Variants in ZNF469 observed in about 807,000 individuals in gnomAD.
ZNF469 encodes zinc finger protein 469.
In ZNF469, 1 loss-of-function variant was observed where a neutral mutation model predicts 1.0. That is an observed-to-expected ratio of 1.00 (90% confidence interval 0.35 to 4.73). The LOEUF (loss-of-function observed/expected upper bound fraction) is 4.73. Ranked by LOEUF, ZNF469 falls within the 30% of genes most tolerant of loss-of-function variation. The probability of loss-of-function intolerance (pLI) is 0.16; values close to 1 mark genes in which losing one functional copy is unlikely to be tolerated. For synonymous variants in ZNF469, 2,703 were observed against 2,363.4 expected (o/e 1.14, Z -4.17); for missense variants, 6,100 against 5,356.3 (o/e 1.14, Z -4.33).
chr16:88,340,692 C>G, the ZNF469 span, among the ~76,000 whole-genome samples: 3 of 129,986 alleles, frequency 2.3e-5, no homozygotes, highest in Admixed American at 2.5e-4. Flanking sequence ...GAGGCAGGTG[C>G]GTGGGGAGGA....
At chr16:88,243,172 C>T in the ZNF469 span, among the ~76,000 whole-genome samples, 1 of 152,234 alleles carries the variant, frequency 6.6e-6, no homozygotes, top group African/African-American at 2.4e-5. Flanking sequence ...TGGTGGCCAG[C>T]TCATAAGCTC....
intron 1 of ZNF469, among the ~76,000 whole-genome samples, chr16:88,406,152 G>A (rs377132063): frequency 1.4e-4 from 22 of 152,360 alleles, no homozygotes; most frequent in African/African-American, 4.6e-4. Context: ...GCCCGGCCTC[G>A]CCAAAGGTGG....
At chr16:88,111,660 T>C in the ZNF469 span, among the ~76,000 whole-genome samples, 2 of 152,200 alleles carry the variant, frequency 1.3e-5, no homozygotes, top group African/African-American at 4.8e-5. Context: ...TTTGTTGAGA[T>C]GGAGTCTCGC....
chr16:88,166,024 C>T, the ZNF469 span, among the ~76,000 whole-genome samples: 2 of 152,348 alleles, frequency 1.3e-5, no homozygotes, highest in South Asian at 2.1e-4. The surrounding 1 kb of genome is among the most constrained non-coding windows in gnomAD (Gnocchi z 4.5). Flanking sequence ...ACTATTGTTA[C>T]GCACCCAGGG....
chr16:88,108,453 C>G, the ZNF469 span, among the ~76,000 whole-genome samples: 2 of 152,192 alleles, frequency 1.3e-5, no homozygotes, highest in Non-Finnish European at 2.9e-5. Context: ...TCTGGGGTTG[C>G]TGCCCAGAAT....
At chr16:88,348,925 C>T in the ZNF469 span, among the ~76,000 whole-genome samples, 1 of 152,150 alleles carries the variant, frequency 6.6e-6, no homozygotes, top group African/African-American at 2.4e-5. Flanking sequence ...CAGCCGCTCT[C>T]CCGGGACAGG....
the ZNF469 span, among the ~76,000 whole-genome samples, chr16:88,236,083 C>A: frequency 6.6e-6 from 1 of 152,190 alleles, no homozygotes; most frequent in Admixed American, 6.5e-5. Flanking sequence ...GACCAAAGTT[C>A]GTATTCTGTA....
the ZNF469 span, among the ~76,000 whole-genome samples, chr16:88,249,162 T>C: frequency 6.6e-6 from 1 of 151,916 alleles, no homozygotes; most frequent in Non-Finnish European, 1.5e-5. Context: ...TGCTGGATAG[T>C]AGCTCCACTC....
At chr16:88,344,273 G>A in the ZNF469 span, among the ~76,000 whole-genome samples, 33 of 152,104 alleles carry the variant, frequency 2.2e-4, no homozygotes, top group East Asian at 5.2e-3. Context: ...GGCGGGTTCC[G>A]AACAAAGCGT....
chr16:88,178,465 G>C, the ZNF469 span: 3 of 152,198 alleles, frequency 2.0e-5, no homozygotes, highest in African/African-American at 7.2e-5. Context: ...TCTGCTCCGG[G>C]GTGGCCGGGC....
the ZNF469 span, among the ~76,000 whole-genome samples, chr16:88,251,472 G>A: frequency 6.9e-6 from 1 of 144,934 alleles, no homozygotes; most frequent in African/African-American, 2.6e-5. Flanking sequence ...TCTAACAGCT[G>A]TCATGTGCTG....
In ZNF469 at chr16:88,430,753, G is replaced by C; in HGVS notation, c.3283G>C (p.Ala1095Pro). Reference sequence around the variant, plus strand: ...CCGCAGGCTCCGCGAGTACGACTTCGCCTCGGAGTCCGAGGAGGACGAGCA... The same window carrying C: ...CCGCAGGCTCCGCGAGTACGACTTCCCCTCGGAGTCCGAGGAGGACGAGCA... ...EDRRLREYDF[A>P]SESEEDEQPP... Residue 1095 changes from alanine to proline, a missense_variant, in exon 3 of 3, where the codon GCC becomes CCC. Ala to Pro is a conservative substitution (Grantham distance 27, BLOSUM62 -1). Coordinates refer to ENST00000565624, the MANE Select transcript of ZNF469 (RefSeq NM_001367624.2). 1 of 1,507,452 alleles carries C rather than the reference G, an allele frequency of 6.6e-7. No homozygotes were observed. The highest frequency in any genetic ancestry group is 8.8e-7 in the Non-Finnish European group (1 of 1,135,072). The allele number at this position is 1,507,452 out of a possible 1,614,324, so 93.4% of individuals were successfully genotyped here.
the ZNF469 span, among the ~76,000 whole-genome samples, chr16:88,137,474 G>A: frequency 1.7e-3 from 255 of 152,286 alleles, 1 homozygote; most frequent in African/African-American, 5.8e-3. Flanking sequence ...AATCATGCAT[G>A]TATACAATTA....
At chr16:88,380,933 C>G (rs535025026), upstream of ZNF469, among the ~76,000 whole-genome samples, 559 of 142,714 alleles carry the variant, frequency 3.9e-3, 8 homozygotes, top group African/African-American at 0.015. Context: ...CACAGACACG[C>G]ACTCACACAC....
chr16:88,433,587 C>T lies in ZNF469; in HGVS notation c.6117C>T (p.Cys2039=). ...PTEGAVLLEK[C]KGSRAAMSLQ... The stretch of plus-strand genomic sequence containing the variant: ...AGGGTGCAGTCCTGCTAGAGAAATG[C>T]AAGGGAAGCAGGGCAGCCATGAGCC... Residue 2039 remains cysteine, a synonymous_variant, in exon 3 of 3, where the codon TGC becomes TGT. Coordinates refer to ENST00000565624, the MANE Select transcript of ZNF469 (RefSeq NM_001367624.2). 1 of 1,550,344 alleles carries T rather than the reference C, an allele frequency of 6.5e-7. No homozygotes were observed.
the ZNF469 span, among the ~76,000 whole-genome samples, chr16:88,106,073 C>A: frequency 6.6e-6 from 1 of 152,240 alleles, no homozygotes; most frequent in Non-Finnish European, 1.5e-5. Flanking sequence ...GATTTAAAAA[C>A]CAGACCCCAT....
chr16:88,149,605 G>A, the ZNF469 span, among the ~76,000 whole-genome samples: 2 of 152,104 alleles, frequency 1.3e-5, no homozygotes, highest in Non-Finnish European at 1.5e-5. Flanking sequence ...GTAGCAAGGG[G>A]ACTGATTTGT....
the ZNF469 span, among the ~76,000 whole-genome samples, chr16:88,371,698 A>C: frequency 6.6e-6 from 1 of 152,184 alleles, no homozygotes; most frequent in African/African-American, 2.4e-5. Flanking sequence ...CCATTGAGCA[A>C]ACCTAGCCAG....
At chr16:88,274,016 G>A in the ZNF469 span, among the ~76,000 whole-genome samples, 1 of 152,174 alleles carries the variant, frequency 6.6e-6, no homozygotes, top group Non-Finnish European at 1.5e-5. Flanking sequence ...TATCGGCCAT[G>A]ATGGTCTCGA....
Sources: gnomAD v4.1 joint callset for allele counts (sites outside exome capture counted in the v4.1 genomes callset) on GRCh38, gnomAD v4.1.1 for gene constraint, Gnocchi (gnomAD v3.1) non-coding constraint, MANE v1.5 for transcripts, NCBI Gene and HGNC (gene_info 2026-07-23, HGNC 2026-07-21) for gene names.